ZNF569: variants seen among roughly 807,000 people sequenced by gnomAD.
The protein encoded by ZNF569 is zinc finger protein 569, also known as DNA-binding protein.
In ZNF569, 38 loss-of-function variants were observed where a neutral mutation model predicts 56.3. The ratio of observed to expected loss-of-function variants is 0.68; its 90% confidence interval spans 0.52 to 0.88. The LOEUF is 0.88. Among genes scored for constraint, ZNF569 ranks in the 40% least tolerant of loss-of-function variants. The pLI is 0.00. For synonymous variants in ZNF569, 241 were observed against 262.9 expected (o/e 0.92, Z 0.81); for missense variants, 666 against 809.2 (o/e 0.82, Z 2.15).
chr19:37,413,651 G>A lies in ZNF569; in HGVS notation c.1007C>T (p.Pro336Leu). 2 of 1,613,604 alleles carry A rather than the reference G, an allele frequency of 1.2e-6. No homozygotes were observed. Among genetic ancestry groups the A allele is most frequent in the Non-Finnish European group, 1.7e-6 (2 of 1,179,882 alleles). Reference protein sequence around the residue: ...YACNECGKAFPRIASLALHMR... With the variant: ...YACNECGKAFLRIASLALHMR... ...ATGAAGAGCAAGGGATGCAATTCGA[G>A]GGAAGGCTTTACCACATTCATTACA... Residue 336 changes from proline (P) to leucine (L), a missense_variant, in exon 6 of 6, where the codon CCT (proline) becomes CTT (leucine). Pro to Leu is a moderately conservative substitution (Grantham distance 98). Coordinates refer to ENST00000316950, the MANE Select transcript of ZNF569 (RefSeq NM_152484.3).
intron 5 of ZNF569, among the ~76,000 whole-genome samples, chr19:37,420,305 A>G (rs1251408262): frequency 6.6e-6 from 1 of 151,926 alleles, no homozygotes; most frequent in East Asian, 1.9e-4. Context: ...TTAAGATAAC[A>G]ATGAAGAGTC....
intron 5 of ZNF569, among the ~76,000 whole-genome samples, chr19:37,415,949 A>T (rs1007115707): frequency 3.3e-5 from 5 of 151,524 alleles, no homozygotes; most frequent in African/African-American, 1.2e-4. Flanking sequence ...CTTAATTAAA[A>T]GGCGTGAGTG....
chr19:37,436,577 T>A (rs2041313057), intron 3 of ZNF569, among the ~76,000 whole-genome samples: 1 of 151,654 alleles, frequency 6.6e-6, no homozygotes, highest in Non-Finnish European at 1.5e-5. Flanking sequence ...CAGCAAACTT[T>A]TAGCTAGACT....
upstream of ZNF569, chr19:37,468,078 T>TG (rs1198341030): frequency 1.3e-4 from 98 of 736,564 alleles, no homozygotes; most frequent in South Asian, 4.3e-4. Flanking sequence ...CGTGTTTTTT[T>TG]TTTTTTGTTT....
intron 3 of ZNF569, among the ~76,000 whole-genome samples, chr19:37,431,332 T>C (rs1434872542): frequency 6.6e-6 from 1 of 152,082 alleles, no homozygotes; most frequent in East Asian, 1.9e-4. Context: ...TAAAGAGGAC[T>C]TTGTCTTGCA....
chr19:37,468,012 C>A (rs2041877725), upstream of ZNF569: 3 of 1,318,966 alleles, frequency 2.3e-6, no homozygotes, highest in Non-Finnish European at 3.2e-6. Context: ...TCTAAACAGA[C>A]TTGGCCTTAC....
At chr19:37,457,069 C>CA (rs5827977) in intron 2 of ZNF569, among the ~76,000 whole-genome samples, 152,178 of 152,178 alleles carry the variant, frequency 1, 76,089 homozygotes, top group Non-Finnish European at 1. Flanking sequence ...CTATATTCAG[C>CA]ATTGCCACAT....
chr19:37,421,749 T>TC (rs1348082965), intron 5 of ZNF569, among the ~76,000 whole-genome samples: 3 of 143,956 alleles, frequency 2.1e-5, no homozygotes, highest in Non-Finnish European at 4.6e-5. Context: ...GGCACTTTTT[T>TC]TTTTTTTTTT....
chr19:37,464,779 G>T (rs2041806511), intron 2 of ZNF569, among the ~76,000 whole-genome samples: 1 of 152,038 alleles, frequency 6.6e-6, no homozygotes, highest in African/African-American at 2.4e-5. Flanking sequence ...CTTCCTAATT[G>T]GTCTCTGTGC....
chr19:37,460,546 A>C (rs983680270), intron 2 of ZNF569, among the ~76,000 whole-genome samples: 4 of 152,176 alleles, frequency 2.6e-5, no homozygotes, highest in East Asian at 1.9e-4. Context: ...AAAAAAAAAA[A>C]AACAACTATA....
rs898370350 is a variant in ZNF569, at chr19:37,464,431, C to T, written c.-44+882G>A. The stretch of plus-strand genomic sequence containing the variant: ...GTCTCGATCTCCTGACCTCGTGATC[C>T]GCCCACCTTGGCCTCCCAAACTGCT... On this transcript the variant is annotated intron_variant, in intron 2 of 5. Transcript: ENST00000316950. Among the ~76,000 whole-genome samples the T allele has an allele frequency of 5.9e-5, 9 of 152,220 alleles. No homozygotes were observed. The East Asian group carries it at 1.2e-3, about 20-fold the overall frequency.
At chr19:37,453,910 A>G (rs2041632773) in intron 2 of ZNF569, among the ~76,000 whole-genome samples, 1 of 152,134 alleles carries the variant, frequency 6.6e-6, no homozygotes, top group South Asian at 2.1e-4. Flanking sequence ...GTCTCTTTGA[A>G]GTATGTTTTT....
At position 37,434,495 on chromosome 19, in the gene ZNF569, T is replaced by C. The variant is rs533186467; in HGVS notation, c.16-8117A>G. ...CAAGGTCAGGAGATCCAGACCATCATGGCCAACATGGTGAAACCCTGTCTC... is the reference window on the plus strand; with the variant it reads ...CAAGGTCAGGAGATCCAGACCATCACGGCCAACATGGTGAAACCCTGTCTC... On this transcript the variant is annotated intron_variant, in intron 3 of 5. Transcript: ENST00000316950. 3.7e-4 allele frequency among the ~76,000 whole-genome samples: 56 copies of C among 152,282 alleles called. 1 individual carries two copies. The East Asian group carries it at 0.01, about 28-fold the overall frequency.
chr19:37,445,825 G>A (rs566203296), intron 2 of ZNF569, among the ~76,000 whole-genome samples: 108 of 152,158 alleles, frequency 7.1e-4, no homozygotes, highest in African/African-American at 1.8e-3. Flanking sequence ...AACACATCCC[G>A]TGCTCATGGA....
intron 2 of ZNF569, among the ~76,000 whole-genome samples, chr19:37,456,764 C>T (rs1600347585): frequency 6.6e-6 from 1 of 151,988 alleles, no homozygotes; most frequent in Admixed American, 6.6e-5. Context: ...GTCAGGAGTT[C>T]GAGATTGGCC....
intron 3 of ZNF569, among the ~76,000 whole-genome samples, chr19:37,444,393 ATTG>A (rs2041458494): frequency 6.6e-6 from 1 of 151,666 alleles, no homozygotes; most frequent in Non-Finnish European, 1.5e-5. Context: ...GTTCTTTTTT[ATTG>A]TTAAGTAGTA....
rs2041467839 is a variant in ZNF569, at chr19:37,444,900, C to T, written c.15+7G>A. On this transcript the variant is annotated splice_region_variant and intron_variant, in intron 3 of 5. Transcript: ENST00000316950. ...GGCAAGAAACAAATACACTATTTAA[C>T]ATTTACCTGGGACTCAGTCATTTCC... The T allele has an allele frequency of 8.7e-6, 14 of 1,606,112 alleles. No individual in the cohort carries two copies. Among genetic ancestry groups the T allele is most frequent in the Non-Finnish European group, 1.2e-5 (14 of 1,176,242 alleles).
At chr19:37,443,357 C>CA (rs992045463) in intron 3 of ZNF569, among the ~76,000 whole-genome samples, 41 of 151,692 alleles carry the variant, frequency 2.7e-4, no homozygotes, top group African/African-American at 9.2e-4. Context: ...AAAAAACAAA[C>CA]AAAAAAAACC....
intron 3 of ZNF569, among the ~76,000 whole-genome samples, chr19:37,428,087 G>A (rs1257906124): frequency 6.6e-6 from 1 of 152,114 alleles, no homozygotes. Flanking sequence ...AAGAGTGAGA[G>A]AATCCCAAAA....
Sources: allele counts gnomAD v4.1 joint callset (sites outside exome capture counted in the v4.1 genomes callset), GRCh38; gene constraint gnomAD v4.1.1; transcripts MANE v1.5; gene names NCBI Gene and HGNC (gene_info 2026-07-23, HGNC 2026-07-21).